Variants in CCDC186 observed in about 807,000 individuals in gnomAD.
CCDC186 encodes coiled-coil domain-containing protein 186.
Under a neutral mutation model 113.7 loss-of-function variants are expected in CCDC186, and 49 were observed. That is an observed-to-expected ratio of 0.43 (90% CI 0.34 to 0.55). CCDC186 has a LOEUF of 0.55. Among genes scored for constraint, CCDC186 ranks in the 20% least tolerant of loss-of-function variants. CCDC186 has a pLI of 0.02. For missense variants in CCDC186, 890 were observed against 1,011.1 expected, an observed-to-expected ratio of 0.88 and a Z score of 1.62; for synonymous variants, 355 against 345.8, an observed-to-expected ratio of 1.03 and a Z score of -0.30.
Position 114,125,001 on chromosome 10 carries a change from A to C in CCDC186, c.*142T>G, listed in dbSNP as rs1236299165. On this transcript the variant is annotated 3_prime_UTR_variant, in exon 16 of 16. Coordinates refer to ENST00000369287, the MANE Select transcript of CCDC186 (RefSeq NM_018017.4). ...TACAGCAATGCATTCATATTGTAAA[A>C]GGGTATTTTTTTGTGTACAGATGAA... 2 of 596,498 alleles carry C rather than the reference A, an allele frequency of 3.4e-6. No homozygotes were observed. The highest frequency in any genetic ancestry group is 6.0e-5 in the East Asian group (2 of 33,540). 37.0% of individuals were successfully genotyped at this position (596,498 alleles called of 1,614,324 possible). A position where few individuals can be genotyped will look rare whatever the true frequency, so the allele number is the denominator to read the frequency against.
Position 114,131,917 on chromosome 10 carries a change from A to C in CCDC186, c.1911+12T>G, listed in dbSNP as rs562675253. On this transcript the variant is annotated intron_variant, in intron 11 of 15. Coordinates refer to ENST00000369287, the MANE Select transcript of CCDC186 (RefSeq NM_018017.4). ...TTACGTTGTTTTAAAAAAAATGTAA[A>C]TTTATACTTACCAAATTAATATTTG... is the stretch of plus-strand genomic sequence containing the variant. The C allele has an allele frequency of 5.7e-6, 9 of 1,590,072 alleles. No individual in the cohort carries two copies. In the South Asian group the frequency reaches 1.0e-4, roughly 18 times the overall value.
intron 6 of CCDC186, among the ~76,000 whole-genome samples, chr10:114,138,565 G>A (rs2031358486): frequency 1.3e-5 from 2 of 152,034 alleles, no homozygotes; most frequent in South Asian, 4.2e-4. Context: ...TTTATAGACT[G>A]ATGCTGCAAT....
At position 114,164,102 on chromosome 10, in the gene CCDC186, G is replaced by GTGTGTGTGTA. The variant is rs1386565625; in HGVS notation, c.-61-774_-61-773insTACACACACA. ...TGTGTGTGTGTGTGTGTGTGTGTGT[G>GTGTGTGTGTA]TATATATATATATTTTTTTTTTTTT... is the stretch of plus-strand genomic sequence containing the variant. On this transcript the variant is annotated intron_variant, in intron 1 of 15. Transcript: ENST00000369287. Among the ~76,000 whole-genome samples the GTGTGTGTGTA allele has an allele frequency of 1.1e-4, 11 of 101,128 alleles. No individual in the cohort carries two copies. In the South Asian group the frequency reaches 2.9e-3, roughly 26 times the overall value. The allele number at this position is 101,128 out of a possible 152,430, so 66.3% of individuals were successfully genotyped here.
intron 3 of CCDC186, among the ~76,000 whole-genome samples, chr10:114,154,008 G>A (rs955355136): frequency 2.6e-5 from 4 of 151,764 alleles, no homozygotes; most frequent in South Asian, 4.2e-4. Context: ...TCACAAGTTC[G>A]AGACGAGCCT....
chr10:114,144,298 T>C (rs928581410), intron 6 of CCDC186, among the ~76,000 whole-genome samples, 199 bp downstream of exon 6: 3 of 152,156 alleles, frequency 2.0e-5, no homozygotes, highest in African/African-American at 7.2e-5. Context: ...TTCTTTTTCA[T>C]AATCACCAAA....
intron 1 of CCDC186, among the ~76,000 whole-genome samples, chr10:114,165,324 C>G (rs2032303497): frequency 6.6e-6 from 1 of 152,220 alleles, no homozygotes; most frequent in South Asian, 2.1e-4. Flanking sequence ...ATTCCAAAAT[C>G]TAGGACAAAA....
intron 6 of CCDC186, 78 bp downstream of exon 6, chr10:114,144,419 C>T: frequency 1.3e-6 from 2 of 1,499,864 alleles, no homozygotes; most frequent in Admixed American, 2.2e-5. Context: ...GAGACTCCGT[C>T]TCAAAAAAAA....
chr10:114,145,151 G>A (rs1051048150), intron 5 of CCDC186, among the ~76,000 whole-genome samples: 1 of 151,988 alleles, frequency 6.6e-6, no homozygotes, highest in Non-Finnish European at 1.5e-5. Flanking sequence ...ATGGTGATGT[G>A]TTATATTAAG....
intron 6 of CCDC186, among the ~76,000 whole-genome samples, 179 bp downstream of exon 6, chr10:114,144,318 C>G (rs2031566552): frequency 6.6e-6 from 1 of 151,924 alleles, no homozygotes; most frequent in African/African-American, 2.4e-5. Context: ...ATATTCAGGT[C>G]CAAACTAACT....
In CCDC186 at chr10:114,145,645, T is replaced by C; in HGVS notation, c.1005A>G (p.Lys335=). The change falls in exon 5 of 16, where the codon AAA becomes AAG. Residue 335 remains lysine (K), a synonymous_variant. Transcript: ENST00000369287. ...CAAGTTCCTTATTTGCATCTCTAAG[T>C]TTTTTCTCAAGTGTCTCTTTTTCCT... ...LRKEKETLEK[K]LRDANKELEK... 9 of 1,613,544 alleles carry C rather than the reference T, an allele frequency of 5.6e-6. No homozygotes were observed. The highest frequency in any genetic ancestry group is 7.6e-6 in the Non-Finnish European group (9 of 1,179,898).
Position 114,131,266 on chromosome 10 carries a change from C to T in CCDC186, c.1982G>A (p.Cys661Tyr), listed in dbSNP as rs1421387508. The T allele has an allele frequency of 1.9e-6, 3 of 1,603,846 alleles. No homozygotes were observed. Among genetic ancestry groups the T allele is most frequent in the South Asian group, 2.2e-5 (2 of 89,140 alleles). The change falls in exon 12 of 16, where the codon TGT becomes TAT. Residue 661 changes from cysteine (C) to tyrosine (Y), a missense_variant. Coordinates refer to ENST00000369287, the MANE Select transcript of CCDC186 (RefSeq NM_018017.4). ...EVQTLQAELA[C>Y]RQTEVKALST... ...CAATGCTTTAACTTCTGTTTGTCTA[C>T]AAGCGAGTTCAGCTTGCAGAGTTTG...
chr10:114,150,598 A>G (rs145737544), intron 4 of CCDC186, among the ~76,000 whole-genome samples: 1 of 152,286 alleles, frequency 6.6e-6, no homozygotes, highest in African/African-American at 2.4e-5. Context: ...TTTATTCCAT[A>G]CACTTTTTTA....
intron 2 of CCDC186, among the ~76,000 whole-genome samples, chr10:114,160,193 C>G (rs1243877734): frequency 1.3e-5 from 2 of 151,660 alleles, no homozygotes; most frequent in Non-Finnish European, 2.9e-5. Context: ...TTGCTTGAAT[C>G]CAGGAGGCAG....
At chr10:114,151,745 C>A (rs2031863764) in intron 3 of CCDC186, among the ~76,000 whole-genome samples, 1 of 152,174 alleles carries the variant, frequency 6.6e-6, no homozygotes, top group South Asian at 2.1e-4. Flanking sequence ...GGCAGGACGA[C>A]AGTGCTTGTG....
In CCDC186 at chr10:114,124,961, C is replaced by T. The variant is rs1421971943; in HGVS notation, c.*182G>A. 6.8e-6 allele frequency: 3 copies of T among 440,032 alleles called. No homozygotes were observed. The highest frequency in any genetic ancestry group is 1.2e-5 in the Non-Finnish European group (3 of 247,914). 27.3% of individuals were successfully genotyped at this position (440,032 alleles called of 1,614,324 possible). A position where few individuals can be genotyped will look rare whatever the true frequency, so the allele number is the denominator to read the frequency against. On this transcript the variant is annotated 3_prime_UTR_variant, in exon 16 of 16. Transcript: ENST00000369287. ...CAAAAACAAATTTCATCAAAGCTTTCAGTCTTACAGTATATACAGCAATGC... is the reference window on the plus strand; with the variant it reads ...CAAAAACAAATTTCATCAAAGCTTTTAGTCTTACAGTATATACAGCAATGC...
intron 6 of CCDC186, among the ~76,000 whole-genome samples, chr10:114,141,570 G>A (rs1032807421): frequency 6.6e-6 from 1 of 152,020 alleles, no homozygotes; most frequent in Non-Finnish European, 1.5e-5. Flanking sequence ...CTAGCCTTGT[G>A]GGAGCTCTAG....
Position 114,121,935 on chromosome 10 carries a change from C to T in CCDC186, c.*3208G>A, listed in dbSNP as rs1220260945. 6.6e-6 allele frequency: 1 copy of T among 152,384 alleles called. No homozygotes were observed. The highest frequency in any genetic ancestry group is 2.4e-5 in the African/African-American group (1 of 41,446). The allele number at this position is 152,384 out of a possible 1,614,324, so 9.4% of individuals were successfully genotyped here. ...CAGATGATCCTCCCAACTCAGCCTCCTGGGTAGCTGGGACCCCAGCCATGT... is the reference window on the plus strand; with the variant it reads ...CAGATGATCCTCCCAACTCAGCCTCTTGGGTAGCTGGGACCCCAGCCATGT... On this transcript the variant is annotated 3_prime_UTR_variant, in exon 16 of 16. Coordinates refer to ENST00000369287, the MANE Select transcript of CCDC186 (RefSeq NM_018017.4).
intron 2 of CCDC186, chr10:114,161,693 G>T (rs2032172028): frequency 6.6e-6 from 1 of 152,130 alleles, no homozygotes; most frequent in African/African-American, 2.4e-5. Context: ...TTGTTTGGGG[G>T]TAATATCAAG....
At chr10:114,161,163 C>T (rs1423043425) in intron 2 of CCDC186, among the ~76,000 whole-genome samples, 1 of 152,184 alleles carries the variant, frequency 6.6e-6, no homozygotes. Context: ...AAATTTAACA[C>T]CTTGTAACTG....
Sources: allele counts gnomAD v4.1 joint callset (sites outside exome capture counted in the v4.1 genomes callset), GRCh38; gene constraint gnomAD v4.1.1; transcripts MANE v1.5; gene names NCBI Gene and HGNC (gene_info 2026-07-23, HGNC 2026-07-21).